Variants in TIAM1 observed in about 807,000 individuals in gnomAD.
The protein encoded by TIAM1 is TIAM Rac1 associated GEF 1.
TIAM1 carries 65 observed loss-of-function variants against 163.5 expected under a neutral mutation model. That is an observed-to-expected ratio of 0.40 (90% CI 0.33 to 0.49). TIAM1 has a LOEUF of 0.49. Among genes scored for constraint, TIAM1 ranks in the 20% least tolerant of loss-of-function variants. The pLI is 0.77. For missense variants in TIAM1, 1,789 were observed against 2,044.7 expected, an observed-to-expected ratio of 0.87 and a Z score of 2.41; for synonymous variants, 833 against 810.1, an observed-to-expected ratio of 1.03 and a Z score of -0.48.
intron 2 of TIAM1, among the ~76,000 whole-genome samples, chr21:31,417,626 C>G (rs1220328797): frequency 1.3e-5 from 2 of 152,158 alleles, no homozygotes; most frequent in Admixed American, 6.5e-5. Context: ...GGTGGGGACA[C>G]AGCCAAACTA....
chr21:31,531,044 C>T (rs987014060), intron 1 of TIAM1, among the ~76,000 whole-genome samples: 1 of 152,098 alleles, frequency 6.6e-6, no homozygotes, highest in African/African-American at 2.4e-5. Context: ...AGCAGAATCT[C>T]ATCTCCCCAA....
At chr21:31,247,354 T>TA (rs1267329831) in intron 5 of TIAM1, among the ~76,000 whole-genome samples, 1 of 152,076 alleles carries the variant, frequency 6.6e-6, no homozygotes, top group African/African-American at 2.4e-5. Flanking sequence ...TGCTTATTGT[T>TA]AAAAAATTTT....
chr21:31,353,452 G>A (rs1341319334), intron 2 of TIAM1, among the ~76,000 whole-genome samples: 1 of 152,164 alleles, frequency 6.6e-6, no homozygotes, highest in Non-Finnish European at 1.5e-5. Context: ...GGGAATAAGA[G>A]CATTTCCCTC....
At chr21:31,481,769 A>G (rs2046116210) in intron 1 of TIAM1, among the ~76,000 whole-genome samples, 1 of 152,116 alleles carries the variant, frequency 6.6e-6, no homozygotes, top group African/African-American at 2.4e-5. Flanking sequence ...CAGCACCAAC[A>G]TGTGTTCACC....
At chr21:31,194,860 G>A (rs2085769315) in intron 13 of TIAM1, among the ~76,000 whole-genome samples, 1 of 152,186 alleles carries the variant, frequency 6.6e-6, no homozygotes, top group African/African-American at 2.4e-5. Flanking sequence ...CCCAGAGGGA[G>A]CTCTCATTCT....
At chr21:31,140,945 A>G (rs1321949464) in intron 22 of TIAM1, among the ~76,000 whole-genome samples, 173 bp downstream of exon 22, 1 of 152,256 alleles carries the variant, frequency 6.6e-6, no homozygotes, top group Non-Finnish European at 1.5e-5. Context: ...CAGCTGAGGA[A>G]GAAAATTCAC....
At chr21:31,447,378 G>T (rs1164283156) in intron 2 of TIAM1, among the ~76,000 whole-genome samples, 3 of 152,126 alleles carry the variant, frequency 2.0e-5, no homozygotes, top group Admixed American at 1.3e-4. Context: ...CAAGCCTGCA[G>T]TGAGCTGTGT....
intron 1 of TIAM1, among the ~76,000 whole-genome samples, chr21:31,509,762 G>C (rs2047150645): frequency 6.6e-6 from 1 of 152,154 alleles, no homozygotes; most frequent in African/African-American, 2.4e-5. Flanking sequence ...CAAAGACGGG[G>C]CTGCATGTTT....
chr21:31,485,403 G>C (rs2147404428), intron 1 of TIAM1, among the ~76,000 whole-genome samples: 1 of 152,272 alleles, frequency 6.6e-6, no homozygotes, highest in Non-Finnish European at 1.5e-5. Flanking sequence ...ACTCACTGTA[G>C]CATTGTCCAG....
intron 1 of TIAM1, among the ~76,000 whole-genome samples, chr21:31,502,825 T>C (rs1477292244): frequency 2.0e-5 from 3 of 152,188 alleles, no homozygotes; most frequent in Non-Finnish European, 4.4e-5. Context: ...ATTTCTCTGC[T>C]TAGGAGCATC....
Position 31,124,613 on chromosome 21 carries a change from G to A in TIAM1, c.4215C>T (p.Thr1405=), listed in dbSNP as rs767791978. ...RDKHRRQLLK[T]ESLPSSQQYV... ...ATTGCTGGGATGAGGGAAGGCTCTC[G>A]GTTTTGAGGAGCTGTCTTCTGTGCT... is the stretch of plus-strand genomic sequence containing the variant. The change falls in exon 27 of 28, where the codon ACC becomes ACT. Residue 1405 remains threonine, a synonymous_variant. Transcript: ENST00000541036. 1.2e-5 allele frequency: 19 copies of A among 1,613,860 alleles called. No homozygotes were observed. Among genetic ancestry groups the A allele is most frequent in the Admixed American group, 5.0e-5 (3 of 60,000 alleles).
chr21:31,315,134 G>T (rs2075061570), intron 2 of TIAM1, among the ~76,000 whole-genome samples: 1 of 152,156 alleles, frequency 6.6e-6, no homozygotes, highest in African/African-American at 2.4e-5. Flanking sequence ...ACTTTGGAAG[G>T]CCATGGCGGA....
At chr21:31,304,630 C>T (rs1290167496) in intron 2 of TIAM1, among the ~76,000 whole-genome samples, 1 of 152,172 alleles carries the variant, frequency 6.6e-6, no homozygotes, top group Non-Finnish European at 1.5e-5. Flanking sequence ...AAGAATTTTT[C>T]AGTCTTAGTA....
Position 31,172,870 on chromosome 21 carries a change from T to C in TIAM1, c.2888-7805A>G, listed in dbSNP as rs1601408722. 2.0e-5 allele frequency among the ~76,000 whole-genome samples: 3 copies of C among 151,196 alleles called. No individual in the cohort carries two copies. In the South Asian group the frequency reaches 6.2e-4, roughly 31 times the overall value. On this transcript the variant is annotated intron_variant, in intron 15 of 27. Coordinates refer to ENST00000541036, the MANE Select transcript of TIAM1 (RefSeq NM_001353694.2). ...TGACAGAGAGAAACCCCAACTCTAT[T>C]TGAAAGTAAGAAAAAAAAAAACTGC... is the stretch of plus-strand genomic sequence containing the variant.
chr21:31,402,850 G>A (rs1007808707), intron 2 of TIAM1, among the ~76,000 whole-genome samples: 3 of 152,128 alleles, frequency 2.0e-5, no homozygotes, highest in Non-Finnish European at 4.4e-5. Flanking sequence ...TACTCGGAAG[G>A]CTGAGGCAGG....
chr21:31,422,416 C>T (rs149413709), intron 2 of TIAM1, among the ~76,000 whole-genome samples: 386 of 152,234 alleles, frequency 2.5e-3, no homozygotes, highest in African/African-American at 9.0e-3. Flanking sequence ...ATAAGCGTTA[C>T]GTGGCAAGAG....
At chr21:31,384,117 G>C (rs1569283918) in intron 2 of TIAM1, among the ~76,000 whole-genome samples, 3 of 152,106 alleles carry the variant, frequency 2.0e-5, no homozygotes, top group Non-Finnish European at 4.4e-5. Context: ...ATATCCTGTG[G>C]TGTTCATAGA....
At chr21:31,228,316 A>T (rs1221559780) in intron 6 of TIAM1, among the ~76,000 whole-genome samples, 1 of 150,916 alleles carries the variant, frequency 6.6e-6, no homozygotes, top group Non-Finnish European at 1.5e-5. Flanking sequence ...GATATGGAGT[A>T]ACCAGAACTC....
chr21:31,299,973 TGACAGA>T (rs2074439173), intron 2 of TIAM1, among the ~76,000 whole-genome samples: 1 of 152,208 alleles, frequency 6.6e-6, no homozygotes, highest in Non-Finnish European at 1.5e-5. Context: ...TCTCCTGAGC[TGACAGA>T]GCTTGGATGT....
Sources: gnomAD v4.1 joint callset for allele counts (sites outside exome capture counted in the v4.1 genomes callset) on GRCh38, gnomAD v4.1.1 for gene constraint, MANE v1.5 for transcripts, NCBI Gene and HGNC (gene_info 2026-07-23, HGNC 2026-07-21) for gene names.